The following LRRC72 variants were observed in gnomAD, a reference collection of about 807,000 sequenced individuals.
LRRC72 encodes leucine rich repeat containing 72.
In LRRC72, 41 loss-of-function variants were observed where a neutral mutation model predicts 35.8. That is an observed-to-expected ratio of 1.15 (90% CI 0.89 to 1.49). The LOEUF is 1.49. Ranked by LOEUF, LRRC72 falls within the 40% of genes most tolerant of loss-of-function variation. The pLI is 0.00. For missense variants in LRRC72, 389 were observed against 330.7 expected (o/e 1.18, Z -1.37); for synonymous variants, 118 against 119.2 (o/e 0.99, Z 0.07).
At chr7:16,546,794 T>C (rs1374974233) in intron 3 of LRRC72, among the ~76,000 whole-genome samples, 1 of 152,030 alleles carries the variant, frequency 6.6e-6, no homozygotes, top group Non-Finnish European at 1.5e-5. Context: ...AGTGGCCCTC[T>C]CCCTTCCTGT....
At chr7:16,543,744 A>G (rs1782399153) in intron 3 of LRRC72, among the ~76,000 whole-genome samples, 2 of 152,164 alleles carry the variant, frequency 1.3e-5, no homozygotes, top group African/African-American at 2.4e-5. Context: ...CCTAAAAGGG[A>G]GTACTAGAAG....
intron 3 of LRRC72, among the ~76,000 whole-genome samples, chr7:16,543,198 C>T (rs1044123494): frequency 6.6e-6 from 1 of 152,084 alleles, no homozygotes. Flanking sequence ...ATTATACTAG[C>T]TTGACCACTA....
At chr7:16,571,997 G>A (rs1782954482) in intron 7 of LRRC72, among the ~76,000 whole-genome samples, 1 of 152,182 alleles carries the variant, frequency 6.6e-6, no homozygotes, top group South Asian at 2.1e-4. Context: ...TGGGTCGCCC[G>A]AGCTTGGTGG....
At chr7:16,579,101 C>T (rs1449195109) in intron 7 of LRRC72, among the ~76,000 whole-genome samples, 1 of 152,118 alleles carries the variant, frequency 6.6e-6, no homozygotes, top group Non-Finnish European at 1.5e-5. Context: ...GAGAGTAGAT[C>T]TTAAGTGTTC....
chr7:16,567,691 C>T, intron 7 of LRRC72, 148 bp downstream of exon 7: 1 of 781,052 alleles, frequency 1.3e-6, no homozygotes, highest in Non-Finnish European at 1.9e-6. Flanking sequence ...TATTTGCTAA[C>T]CTTATAATAC....
chr7:16,559,972 A>G (rs768284231), intron 5 of LRRC72, among the ~76,000 whole-genome samples: 11 of 152,220 alleles, frequency 7.2e-5, no homozygotes, highest in Non-Finnish European at 7.3e-5. Context: ...CCAGTAAGGA[A>G]CTAACCTATT....
At position 16,575,130 on chromosome 7, in the gene LRRC72, A is replaced by AGGAG. The variant is rs537455420; in HGVS notation, c.671-4923_671-4920dup. Among the ~76,000 whole-genome samples the AGGAG allele has an allele frequency of 4.3e-3, 429 of 100,196 alleles. 1 individual carries two copies. Among genetic ancestry groups the AGGAG allele is most frequent in the African/African-American group, 0.015 (378 of 25,822 alleles). The allele number at this position is 100,196 out of a possible 152,430, so 65.7% of individuals were successfully genotyped here. ...ACTCTGTCTCAGAAAAAGAAAGAAA[A>AGGAG]GGAGGGAGGGAGGGAGGGAGGGAGC... On this transcript the variant is annotated intron_variant, in intron 7 of 8. Coordinates refer to ENST00000401542, the MANE Select transcript of LRRC72 (RefSeq NM_001195280.2).
chr7:16,576,417 A>G (rs939811111), intron 7 of LRRC72, among the ~76,000 whole-genome samples: 9 of 152,328 alleles, frequency 5.9e-5, no homozygotes, highest in Middle Eastern at 3.4e-3. Context: ...GCAATTGTAA[A>G]GCCACATTTT....
In LRRC72 at chr7:16,564,834, CTTG is replaced by C. The variant is rs201755690; in HGVS notation, c.428-1476_428-1474del. On this transcript the variant is annotated intron_variant, in intron 5 of 8. Coordinates refer to ENST00000401542, the MANE Select transcript of LRRC72 (RefSeq NM_001195280.2). ...TTTTTTTTTTTTAGTTTTTATCTAG[CTTG>C]TTATCTTTTAAGCATGCACCTACCC... Among the ~76,000 whole-genome samples, 1,314 of 151,720 alleles carry C rather than the reference CTTG, an allele frequency of 8.7e-3. 40 individuals are homozygous for C. Among genetic ancestry groups the C allele is most frequent in the Admixed American group, 0.069 (1,056 of 15,244 alleles).
At chr7:16,549,716 T>A (rs957144908) in intron 3 of LRRC72, among the ~76,000 whole-genome samples, 7 of 152,142 alleles carry the variant, frequency 4.6e-5, no homozygotes, top group African/African-American at 1.7e-4. Flanking sequence ...AAAGCAAATA[T>A]CTTGTTTAAT....
intron 5 of LRRC72, among the ~76,000 whole-genome samples, chr7:16,561,688 G>A (rs561607185): frequency 2.0e-5 from 3 of 152,250 alleles, no homozygotes; most frequent in South Asian, 2.1e-4. Context: ...AAAATGCTAT[G>A]TCCAATTACA....
chr7:16,558,392 T>A (rs894166391), intron 4 of LRRC72, among the ~76,000 whole-genome samples: 2 of 152,210 alleles, frequency 1.3e-5, no homozygotes, highest in African/African-American at 4.8e-5. Context: ...GCAGATCACC[T>A]GAGGTCGGGA....
At chr7:16,555,004 G>T (rs1212921100) in intron 3 of LRRC72, among the ~76,000 whole-genome samples, 1 of 152,206 alleles carries the variant, frequency 6.6e-6, no homozygotes, top group Non-Finnish European at 1.5e-5. Context: ...AGGGAGTGGT[G>T]AGAGGAAGAA....
intron 3 of LRRC72, among the ~76,000 whole-genome samples, chr7:16,546,305 C>T (rs113900776): frequency 9.9e-5 from 15 of 152,078 alleles, no homozygotes; most frequent in East Asian, 3.9e-4. Flanking sequence ...TTTGCCCCTA[C>T]GGTTTTTCAA....
chr7:16,557,737 G>A (rs1016686598), intron 4 of LRRC72, among the ~76,000 whole-genome samples: 2 of 152,064 alleles, frequency 1.3e-5, no homozygotes, highest in Non-Finnish European at 2.9e-5. Context: ...TGGGAGCATT[G>A]ATAAATACAA....
intron 3 of LRRC72, among the ~76,000 whole-genome samples, chr7:16,554,927 GA>G (rs1782624383): frequency 6.6e-6 from 1 of 152,212 alleles, no homozygotes; most frequent in South Asian, 2.1e-4. Flanking sequence ...GAAGAGAGAG[GA>G]AAAAGTTCTG....
At chr7:16,541,618 A>G (rs1039002958) in intron 3 of LRRC72, among the ~76,000 whole-genome samples, 2 of 152,216 alleles carry the variant, frequency 1.3e-5, no homozygotes, top group African/African-American at 4.8e-5. Flanking sequence ...ACACTTTTAA[A>G]AAAACATACT....
At chr7:16,536,419 T>C (rs1782258673) in intron 2 of LRRC72, among the ~76,000 whole-genome samples, 2 of 152,108 alleles carry the variant, frequency 1.3e-5, no homozygotes, top group African/African-American at 4.8e-5. Context: ...GACAATGCCC[T>C]GATATAGGAG....
intron 3 of LRRC72, among the ~76,000 whole-genome samples, chr7:16,551,606 A>T (rs932378028): frequency 1.2e-4 from 19 of 152,198 alleles, no homozygotes; most frequent in African/African-American, 4.6e-4. Flanking sequence ...AAGCTTTCAT[A>T]CAAATCCTAA....
Sources: gnomAD v4.1 joint callset for allele counts (sites outside exome capture counted in the v4.1 genomes callset) on GRCh38, gnomAD v4.1.1 for gene constraint, MANE v1.5 for transcripts, NCBI Gene and HGNC (gene_info 2026-07-23, HGNC 2026-07-21) for gene names.